NRG1: variants seen among roughly 807,000 people sequenced by gnomAD.
The protein encoded by NRG1 is pro-neuregulin-1, membrane-bound isoform.
Under a neutral mutation model 63.8 loss-of-function variants are expected in NRG1, and 18 were observed. That is an observed-to-expected ratio of 0.28 (90% CI 0.19 to 0.42). The LOEUF is 0.42. Among genes scored for constraint, NRG1 ranks in the 10% least tolerant of loss-of-function variants. The probability of loss-of-function intolerance (pLI) is 1.00; values close to 1 mark genes in which losing one functional copy is unlikely to be tolerated. For missense variants in NRG1, 762 were observed against 814.7 expected, an observed-to-expected ratio of 0.94 and a Z score of 0.79; for synonymous variants, 302 against 301.3, an observed-to-expected ratio of 1.00 and a Z score of -0.02.
At chr8:32,203,389 T>A (rs1031368619) in intron 1 of NRG1, among the ~76,000 whole-genome samples, 1 of 152,006 alleles carries the variant, frequency 6.6e-6, no homozygotes, top group African/African-American at 2.4e-5. Context: ...TCACTTATTT[T>A]TTTTTTCTTT....
At chr8:32,440,032 G>A (rs1819329853) in intron 1 of NRG1, among the ~76,000 whole-genome samples, 1 of 152,134 alleles carries the variant, frequency 6.6e-6, no homozygotes, top group East Asian at 1.9e-4. Context: ...AGTTCCTCCT[G>A]GCTGGGGAGG....
At chr8:31,968,107 C>CA (rs1234298340) in intron 1 of NRG1, among the ~76,000 whole-genome samples, 1 of 151,856 alleles carries the variant, frequency 6.6e-6, no homozygotes. Flanking sequence ...ATTGCTAAGA[C>CA]AAGGAATTTC....
At chr8:32,600,352 AC>A (rs1588606807) in intron 2 of NRG1, among the ~76,000 whole-genome samples, 1 of 152,006 alleles carries the variant, frequency 6.6e-6, no homozygotes, top group East Asian at 1.9e-4. Context: ...ACACACACAC[AC>A]AAACACTGTC....
intron 1 of NRG1, among the ~76,000 whole-genome samples, chr8:31,644,720 T>G (rs1804126866): frequency 1.3e-5 from 2 of 152,160 alleles, no homozygotes; most frequent in Non-Finnish European, 2.9e-5. Context: ...CTTCCTGTTT[T>G]TTTTTCTTAA....
intron 1 of NRG1, among the ~76,000 whole-genome samples, chr8:31,825,395 A>C (rs1044506484): frequency 6.6e-6 from 1 of 152,192 alleles, no homozygotes; most frequent in East Asian, 1.9e-4. Flanking sequence ...CTCAAAAAAA[A>C]AAAAAAGTAT....
At chr8:32,696,477 G>C (rs539436145) in intron 5 of NRG1, among the ~76,000 whole-genome samples, 1 of 152,112 alleles carries the variant, frequency 6.6e-6, no homozygotes, top group African/African-American at 2.4e-5. Flanking sequence ...TTCTGCATTA[G>C]AGAGAACTCA....
chr8:32,366,667 G>T (rs1808048764), intron 1 of NRG1, among the ~76,000 whole-genome samples: 1 of 63,930 alleles, frequency 1.6e-5, no homozygotes, highest in Non-Finnish European at 3.1e-5. Flanking sequence ...GTGTGTGTGT[G>T]TGTGTGTGTG....
intron 1 of NRG1, among the ~76,000 whole-genome samples, chr8:31,882,426 A>T (rs1436555951): frequency 6.6e-6 from 1 of 152,072 alleles, no homozygotes; most frequent in African/African-American, 2.4e-5. Context: ...GGAGATGTAC[A>T]AGAAGGTGAA....
At chr8:32,448,130 A>AT (rs1820504425) in intron 1 of NRG1, among the ~76,000 whole-genome samples, 1 of 152,228 alleles carries the variant, frequency 6.6e-6, no homozygotes, top group Non-Finnish European at 1.5e-5. Context: ...ACAAAATATT[A>AT]TATGCAACAC....
At chr8:32,122,366 A>G (rs1833555143) in intron 1 of NRG1, among the ~76,000 whole-genome samples, 1 of 151,946 alleles carries the variant, frequency 6.6e-6, no homozygotes, top group Admixed American at 6.6e-5. Flanking sequence ...GTACTATAAT[A>G]GCTATTTAGA....
chr8:31,882,033 A>G (rs1197751007), intron 1 of NRG1, among the ~76,000 whole-genome samples: 1 of 152,156 alleles, frequency 6.6e-6, no homozygotes, highest in African/African-American at 2.4e-5. Context: ...TGTTGACAAA[A>G]GGGTTTTCTT....
intron 1 of NRG1, among the ~76,000 whole-genome samples, chr8:31,918,849 G>C (rs1457831132): frequency 6.6e-6 from 1 of 151,868 alleles, no homozygotes; most frequent in African/African-American, 2.4e-5. Flanking sequence ...TTTTTGGTTG[G>C]TAAGCTATTG....
intron 7 of NRG1, among the ~76,000 whole-genome samples, chr8:32,752,342 G>T (rs551452936): frequency 1.8e-4 from 27 of 152,260 alleles, no homozygotes; most frequent in African/African-American, 6.3e-4. Flanking sequence ...TGGCTATGGG[G>T]GAGGGGAGGC....
intron 5 of NRG1, among the ~76,000 whole-genome samples, chr8:32,719,909 A>T (rs1226149604): frequency 6.6e-6 from 1 of 152,132 alleles, no homozygotes; most frequent in African/African-American, 2.4e-5. Flanking sequence ...ATTTTTAAAG[A>T]TAATACTGAA....
chr8:32,047,116 A>T (rs1278168752), intron 1 of NRG1, among the ~76,000 whole-genome samples: 2 of 151,936 alleles, frequency 1.3e-5, no homozygotes, highest in African/African-American at 4.8e-5. Context: ...TCTATTCCCT[A>T]AAGATCCGAG....
intron 1 of NRG1, among the ~76,000 whole-genome samples, chr8:31,916,425 A>G (rs1048942962): frequency 2.0e-5 from 3 of 152,050 alleles, no homozygotes; most frequent in African/African-American, 4.8e-5. Context: ...TCATTGTTCA[A>G]TTCCCACCTA....
intron 1 of NRG1, among the ~76,000 whole-genome samples, chr8:32,540,441 AACG>A (rs1246913017): frequency 6.6e-6 from 1 of 152,214 alleles, no homozygotes; most frequent in Non-Finnish European, 1.5e-5. Context: ...TGGAAAAAAC[AACG>A]ACAACAAAAA....
intron 9 of NRG1, among the ~76,000 whole-genome samples, chr8:32,758,229 G>T (rs1830018940): frequency 6.6e-6 from 1 of 151,940 alleles, no homozygotes; most frequent in Admixed American, 6.6e-5. Context: ...TTCAAAAAGG[G>T]GCCTCCCTCC....
intron 1 of NRG1, among the ~76,000 whole-genome samples, chr8:32,241,640 A>ACATT (rs1242972063): frequency 6.6e-6 from 1 of 152,198 alleles, no homozygotes; most frequent in Non-Finnish European, 1.5e-5. Flanking sequence ...AAATCCTTTG[A>ACATT]CATTGTATGA....
Sources: allele counts gnomAD v4.1 joint callset (sites outside exome capture counted in the v4.1 genomes callset), GRCh38; gene constraint gnomAD v4.1.1; transcripts MANE v1.5; gene names NCBI Gene and HGNC (gene_info 2026-07-23, HGNC 2026-07-21).